The following GNAQ variants were observed in gnomAD, a reference collection of about 807,000 sequenced individuals.
GNAQ encodes the protein guanine nucleotide-binding protein G(q) subunit alpha.
In GNAQ, 8 loss-of-function variants were observed where a neutral mutation model predicts 43.9. The observed-to-expected ratio is 0.18, with a 90% CI of 0.11 to 0.33. GNAQ has a LOEUF of 0.33. Ranked by LOEUF, GNAQ falls within the 10% of genes least tolerant of loss-of-function variation. The pLI is 1.00. For missense variants in GNAQ, 158 were observed against 450.8 expected, an observed-to-expected ratio of 0.35 and a Z score of 5.88; for synonymous variants, 155 against 170.7, an observed-to-expected ratio of 0.91 and a Z score of 0.71.
intron 2 of GNAQ, among the ~76,000 whole-genome samples, chr9:77,888,213 ATAAAT>A (rs1161300379): frequency 6.6e-6 from 1 of 152,224 alleles, no homozygotes; most frequent in East Asian, 1.9e-4. Flanking sequence ...TTAAAATAAA[ATAAAT>A]ATAAATAAAA....
At chr9:77,893,643 G>A (rs555174459) in intron 2 of GNAQ, among the ~76,000 whole-genome samples, 1 of 152,126 alleles carries the variant, frequency 6.6e-6, no homozygotes, top group Non-Finnish European at 1.5e-5. Flanking sequence ...TCTTGCTCGA[G>A]CTCCAAGAAC....
At chr9:77,823,885 A>G (rs776175416) in intron 2 of GNAQ, among the ~76,000 whole-genome samples, 1 of 152,190 alleles carries the variant, frequency 6.6e-6, no homozygotes, top group African/African-American at 2.4e-5. Context: ...GTATGTCTTT[A>G]AAGTATTTAT....
At chr9:77,790,234 T>C (rs1391220490) in intron 5 of GNAQ, among the ~76,000 whole-genome samples, 2 of 152,224 alleles carry the variant, frequency 1.3e-5, no homozygotes, top group African/African-American at 4.8e-5. Context: ...TAACTACTTA[T>C]AAATGTTCTT....
rs541517170 is a variant in GNAQ at position 77,831,050 on chromosome 9, G to A, written c.322-15280C>T. On this transcript the variant is annotated intron_variant, in intron 2 of 6. Coordinates refer to ENST00000286548, the MANE Select transcript of GNAQ (RefSeq NM_002072.5). ...AATTAAAACCCTTTGCATAATTGGTGAATAAGATTGAGAAAGAATCATGAT... is the reference window on the plus strand; with the variant it reads ...AATTAAAACCCTTTGCATAATTGGTAAATAAGATTGAGAAAGAATCATGAT... Among the ~76,000 whole-genome samples, 17 of 152,294 alleles carry A rather than the reference G, an allele frequency of 1.1e-4. No homozygotes were observed. In the South Asian group the frequency reaches 3.1e-3, roughly 28 times the overall value.
chr9:77,991,622 G>C (rs1823508888), intron 1 of GNAQ, among the ~76,000 whole-genome samples: 1 of 151,966 alleles, frequency 6.6e-6, no homozygotes, highest in Non-Finnish European at 1.5e-5. Context: ...TGGTGATGTA[G>C]GTAAGTTCTT....
intron 2 of GNAQ, among the ~76,000 whole-genome samples, chr9:77,889,566 T>C (rs1284767604): frequency 6.6e-6 from 1 of 152,132 alleles, no homozygotes; most frequent in Non-Finnish European, 1.5e-5. Context: ...AAGGATCAAC[T>C]GTCCAATGCT....
At chr9:77,917,427 AGT>A (rs1828927902) in intron 2 of GNAQ, among the ~76,000 whole-genome samples, 1 of 152,150 alleles carries the variant, frequency 6.6e-6, no homozygotes, top group African/African-American at 2.4e-5. Flanking sequence ...TTAGTACCTG[AGT>A]GACAAAATAA....
intron 1 of GNAQ, among the ~76,000 whole-genome samples, chr9:78,023,678 T>A (rs1316879821): frequency 6.6e-6 from 1 of 151,654 alleles, no homozygotes; most frequent in South Asian, 2.1e-4. Flanking sequence ...TTTTTCAACA[T>A]AAAAAAGAAA....
At chr9:77,822,376 C>A (rs532424399) in intron 2 of GNAQ, among the ~76,000 whole-genome samples, 4 of 152,220 alleles carry the variant, frequency 2.6e-5, no homozygotes, top group Admixed American at 6.5e-5. Context: ...AGATTCATAT[C>A]ATCTTCATTT....
chr9:77,754,766 G>A (rs544484119), intron 5 of GNAQ, among the ~76,000 whole-genome samples: 3 of 152,282 alleles, frequency 2.0e-5, no homozygotes, highest in South Asian at 2.1e-4. Flanking sequence ...ACCCTCATGC[G>A]TTATTGGTAG....
chr9:77,762,139 G>A (rs1436655342), intron 5 of GNAQ, among the ~76,000 whole-genome samples: 1 of 126,224 alleles, frequency 7.9e-6, no homozygotes, highest in Non-Finnish European at 1.7e-5. Context: ...TCAGCCCCCT[G>A]CCCGGCCAGC....
chr9:77,862,440 T>C (rs1381815905), intron 2 of GNAQ, among the ~76,000 whole-genome samples: 1 of 152,176 alleles, frequency 6.6e-6, no homozygotes, highest in African/African-American at 2.4e-5. Context: ...TGCAGGCTAA[T>C]ACTATGTGGA....
chr9:78,017,930 T>C (rs1233272121), intron 1 of GNAQ, among the ~76,000 whole-genome samples: 1 of 152,176 alleles, frequency 6.6e-6, no homozygotes, highest in Non-Finnish European at 1.5e-5. Flanking sequence ...TTTTGCCTCC[T>C]AACTTACTGA....
At chr9:77,883,644 C>A (rs4745673) in intron 2 of GNAQ, among the ~76,000 whole-genome samples, 1 of 150,612 alleles carries the variant, frequency 6.6e-6, no homozygotes, top group East Asian at 1.9e-4. Context: ...CTTGCCCCCG[C>A]CCCCACTCTC....
intron 1 of GNAQ, among the ~76,000 whole-genome samples, chr9:77,928,785 C>G (rs1189667875): frequency 1.3e-5 from 2 of 152,068 alleles, no homozygotes; most frequent in Non-Finnish European, 2.9e-5. Context: ...TTTGGGAGGC[C>G]AAGGTGGGCA....
intron 5 of GNAQ, among the ~76,000 whole-genome samples, chr9:77,764,103 G>A (rs992795079): frequency 2.0e-5 from 3 of 152,120 alleles, no homozygotes; most frequent in African/African-American, 7.2e-5. Flanking sequence ...TTCATTTTAT[G>A]ATCAAAAACC....
At chr9:77,773,816 A>C (rs10781461) in intron 5 of GNAQ, among the ~76,000 whole-genome samples, 90,115 of 152,028 alleles carry the variant, frequency 0.59, 27,823 homozygotes, top group Middle Eastern at 0.7. Context: ...CATATATTAT[A>C]CTGCCCCTGG....
intron 6 of GNAQ, among the ~76,000 whole-genome samples, chr9:77,723,785 G>A (rs1298256060): frequency 6.6e-6 from 1 of 152,146 alleles, no homozygotes; most frequent in Non-Finnish European, 1.5e-5. Context: ...GTTAGGGGGA[G>A]GAAGGAAATG....
At chr9:77,771,058 T>C (rs151030767) in intron 5 of GNAQ, among the ~76,000 whole-genome samples, 411 of 152,326 alleles carry the variant, frequency 2.7e-3, no homozygotes, top group African/African-American at 8.3e-3. Flanking sequence ...CTATCCATTA[T>C]CCCAGTTCAA....
Sources: allele counts gnomAD v4.1 joint callset (sites outside exome capture counted in the v4.1 genomes callset), GRCh38; gene constraint gnomAD v4.1.1; transcripts MANE v1.5; gene names NCBI Gene and HGNC (gene_info 2026-07-23, HGNC 2026-07-21).